The following HECW2 variants were observed in gnomAD, a reference collection of about 807,000 sequenced individuals.
HECW2 encodes E3 ubiquitin-protein ligase HECW2.
Under a neutral mutation model 175.2 loss-of-function variants are expected in HECW2, and 61 were observed. The observed-to-expected ratio is 0.35, with a 90% CI of 0.28 to 0.43. The LOEUF (loss-of-function observed/expected upper bound fraction) is 0.43. HECW2 is among the 20% of genes least tolerant of loss of function. The pLI is 1.00. For synonymous variants in HECW2, 671 were observed against 731.0 expected (o/e 0.92, Z 1.32); for missense variants, 1,524 against 2,000.5 (o/e 0.76, Z 4.54).
chr2:196,514,036 G>A (rs1688054288), intron 1 of HECW2, among the ~76,000 whole-genome samples: 1 of 152,166 alleles, frequency 6.6e-6, no homozygotes, highest in African/African-American at 2.4e-5. Flanking sequence ...GGAGTTGGAG[G>A]GGCAGGAGCC....
chr2:196,399,848 G>C (rs1171341124), intron 2 of HECW2, among the ~76,000 whole-genome samples: 1 of 152,172 alleles, frequency 6.6e-6, no homozygotes, highest in Non-Finnish European at 1.5e-5. Flanking sequence ...TTTCACAGCT[G>C]TGTCTACTGA....
chr2:196,526,400 C>A (rs937845978), intron 1 of HECW2, among the ~76,000 whole-genome samples: 4 of 147,198 alleles, frequency 2.7e-5, no homozygotes, highest in African/African-American at 1.0e-4. Flanking sequence ...TCAAAGTTTT[C>A]AACTTCTTTG....
chr2:196,503,154 A>G (rs1336131693), intron 1 of HECW2, among the ~76,000 whole-genome samples: 1 of 151,974 alleles, frequency 6.6e-6, no homozygotes. Flanking sequence ...CTCCTTAGAC[A>G]CCCCTTGGGA....
intron 2 of HECW2, among the ~76,000 whole-genome samples, chr2:196,382,991 T>C (rs537868385): frequency 6.6e-6 from 1 of 152,128 alleles, no homozygotes; most frequent in Non-Finnish European, 1.5e-5. Context: ...GGTGGCAGTA[T>C]GGGGGATGAA....
chr2:196,502,496 T>C (rs56319430), intron 1 of HECW2, among the ~76,000 whole-genome samples: 4,322 of 152,328 alleles, frequency 0.028, 216 homozygotes, highest in African/African-American at 0.099. Context: ...TTGGAACAGC[T>C]GGCTTTCGTT....
At chr2:196,246,389 CT>C (rs113458100) in intron 19 of HECW2, among the ~76,000 whole-genome samples, 122 of 149,256 alleles carry the variant, frequency 8.2e-4, no homozygotes, top group Non-Finnish European at 1.2e-3. Context: ...ACAAAAGAAA[CT>C]TTTTTTTTTT....
intron 2 of HECW2, among the ~76,000 whole-genome samples, chr2:196,370,959 T>C (rs1298521335): frequency 6.6e-6 from 1 of 152,234 alleles, no homozygotes; most frequent in East Asian, 1.9e-4. Context: ...TCAATGCCTC[T>C]TTCAGTGGCA....
chr2:196,515,649 A>G (rs986825624), intron 1 of HECW2, among the ~76,000 whole-genome samples: 1 of 152,202 alleles, frequency 6.6e-6, no homozygotes, highest in African/African-American at 2.4e-5. Context: ...CTTTACTACA[A>G]TATTGTTGAA....
intron 17 of HECW2, among the ~76,000 whole-genome samples, chr2:196,265,407 C>T (rs925456960): frequency 5.3e-5 from 8 of 152,110 alleles, no homozygotes; most frequent in South Asian, 4.1e-4. Flanking sequence ...ATTGCTTGAA[C>T]CCGGGAGGCA....
At chr2:196,306,984 T>C in intron 12 of HECW2, 146 bp downstream of exon 12, 1 of 581,940 alleles carries the variant, frequency 1.7e-6, no homozygotes, top group East Asian at 2.8e-5. Context: ...AAGAGGTTTC[T>C]GGTGAATTCT....
chr2:196,439,128 T>C (rs551341606), intron 1 of HECW2, among the ~76,000 whole-genome samples: 83 of 152,360 alleles, frequency 5.4e-4, no homozygotes, highest in Middle Eastern at 3.4e-3. Context: ...AATTTTAATG[T>C]ACCATGCAAG....
rs549681328 is a variant in HECW2 at position 196,321,918 on chromosome 2, C to T, written c.884+560G>A. ...TCAGTATGACTTACTACTTTACTCA[C>T]AACTTACAAAAAGCTCACAAAAAGA... On this transcript the variant is annotated intron_variant, in intron 7 of 28. Transcript: ENST00000644978. Among the ~76,000 whole-genome samples the T allele has an allele frequency of 1.2e-4, 19 of 152,288 alleles. No homozygotes were observed. The South Asian group carries it at 2.5e-3, about 20-fold the overall frequency.
At chr2:196,555,605 A>G (rs1433844257) in intron 1 of HECW2, among the ~76,000 whole-genome samples, 1 of 152,264 alleles carries the variant, frequency 6.6e-6, no homozygotes, top group Non-Finnish European at 1.5e-5. Context: ...AAAAATGGGA[A>G]AAGAAAAAAT....
intron 2 of HECW2, among the ~76,000 whole-genome samples, chr2:196,412,593 A>G (rs1381004757): frequency 6.6e-6 from 1 of 152,220 alleles, no homozygotes. Flanking sequence ...TAATCAAATG[A>G]TAAACTCTTT....
chr2:196,412,685 T>C (rs1323547378), intron 2 of HECW2, among the ~76,000 whole-genome samples: 9 of 152,268 alleles, frequency 5.9e-5, no homozygotes, highest in Non-Finnish European at 1.5e-5. Flanking sequence ...CACATCTTGA[T>C]GCTACTATTT....
At chr2:196,201,662 C>A (rs576481929) in intron 28 of HECW2, among the ~76,000 whole-genome samples, 1 of 151,968 alleles carries the variant, frequency 6.6e-6, no homozygotes, top group African/African-American at 2.4e-5. Context: ...TATAAATGAC[C>A]ATTTATTGAG....
At chr2:196,445,785 A>G (rs1178824442) in intron 1 of HECW2, among the ~76,000 whole-genome samples, 2 of 152,206 alleles carry the variant, frequency 1.3e-5, no homozygotes, top group Non-Finnish European at 2.9e-5. Context: ...ATTTTAGGCC[A>G]TACTAGAGTA....
chr2:196,533,559 A>C (rs549148610), intron 1 of HECW2, among the ~76,000 whole-genome samples: 127 of 152,278 alleles, frequency 8.3e-4, no homozygotes, highest in Non-Finnish European at 1.4e-3. Context: ...AGGATGGAAG[A>C]GCTTCTATTC....
intron 1 of HECW2, among the ~76,000 whole-genome samples, chr2:196,516,317 A>C (rs1019891604): frequency 2.0e-5 from 3 of 152,198 alleles, no homozygotes; most frequent in African/African-American, 7.2e-5. Context: ...GGGAATCACT[A>C]TTTCTCTTAA....
Sources: gnomAD v4.1 joint callset for allele counts (sites outside exome capture counted in the v4.1 genomes callset) on GRCh38, gnomAD v4.1.1 for gene constraint, MANE v1.5 for transcripts, NCBI Gene and HGNC (gene_info 2026-07-23, HGNC 2026-07-21) for gene names.